The following AHNAK variants were observed in gnomAD, a reference collection of about 807,000 sequenced individuals.
The protein encoded by AHNAK is neuroblast differentiation-associated protein AHNAK.
A neutral mutation model predicts 37.8 loss-of-function variants in AHNAK; 23 were observed. The observed-to-expected ratio is 0.61, with a 90% CI of 0.44 to 0.86. The LOEUF is 0.86. Among genes scored for constraint, AHNAK ranks in the 40% least tolerant of loss-of-function variants. AHNAK has a pLI of 0.00. For missense variants in AHNAK, 7,411 were observed against 7,319.4 expected (o/e 1.01, Z -0.46); for synonymous variants, 2,481 against 2,636.3 (o/e 0.94, Z 1.80).
downstream of AHNAK, among the ~76,000 whole-genome samples, chr11:62,513,438 G>A (rs139670700): frequency 6.1e-3 from 934 of 152,288 alleles, 9 homozygotes; most frequent in African/African-American, 0.019. Context: ...AGGAGGCTGA[G>A]GCAGAAGAAT....
chr11:62,524,778 G>A lies in AHNAK; in HGVS notation c.9639C>T (p.Asn3213=). The A allele has an allele frequency of 6.2e-7, 1 of 1,614,120 alleles. No homozygotes were observed. Among genetic ancestry groups the A allele is most frequent in the South Asian group, 1.1e-5 (1 of 91,068 alleles). Residue 3213 remains asparagine, a synonymous_variant, in exon 5 of 5, where the codon AAC becomes AAT. Coordinates refer to ENST00000378024, the MANE Select transcript of AHNAK (RefSeq NM_001620.3). ...GCATTGATATTTTAGGAGCTTTGAT[G>A]TTCATCTCTGGCATCTTGAATTTAG... The part of the protein sequence containing the change: ...KGPKFKMPEM[N]IKAPKISMPD...
rs558137382 is a variant in AHNAK at position 62,536,271 on chromosome 11, C to T, written c.1-173G>A. On this transcript the variant is annotated intron_variant, in intron 2 of 4. Transcript: ENST00000378024. The stretch of plus-strand genomic sequence containing the variant: ...GTGAGGTGTTGGGGGTGGGGTAATT[C>T]GTCTCACGTCCTTCCACTGTGGAAG... 362 of 595,334 alleles carry T rather than the reference C, an allele frequency of 6.1e-4. 1 individual carries two copies. The highest frequency in any genetic ancestry group is 8.8e-4 in the Non-Finnish European group (317 of 360,328). The allele number at this position is 595,334 out of a possible 1,614,324, so 36.9% of individuals were successfully genotyped here. A position where few individuals can be genotyped will look rare whatever the true frequency, so the allele number is the denominator to read the frequency against.
Position 62,530,335 on chromosome 11 carries a change from C to G in AHNAK, c.4082G>C (p.Gly1361Ala). 4.3e-6 allele frequency: 7 copies of G among 1,613,634 alleles called. No individual in the cohort carries two copies. The highest frequency in any genetic ancestry group is 5.9e-6 in the Non-Finnish European group (7 of 1,179,934). Residue 1361 changes from glycine (G) to alanine (A), a missense_variant, in exon 5 of 5, where the codon GGG becomes GCG. Transcript: ENST00000378024. Reference sequence around the variant, plus strand: ...TGGAGCACTAATGTCAACTTTGGGCCCTTTAATGTCAACATCTGGCACTTT... The same window carrying G: ...TGGAGCACTAATGTCAACTTTGGGCGCTTTAATGTCAACATCTGGCACTTT... ...EMKVPDVDIK[G>A]PKVDISAPDV...
rs752676920 is a variant in AHNAK, at chr11:62,523,004, G to A, written c.11413C>T (p.Pro3805Ser). ...CTGAACTTGGGCATTTTCACCTTGG[G>A]CATCTTCAGGTGCCAGTCTGGGCCT... ...VQGPDWHLKM[P>S]KVKMPKFSMP... Residue 3805 changes from proline (P) to serine (S), a missense_variant, in exon 5 of 5, where the codon CCC (proline) becomes TCC (serine). Coordinates refer to ENST00000378024, the MANE Select transcript of AHNAK (RefSeq NM_001620.3). 2.5e-6 allele frequency: 4 copies of A among 1,613,750 alleles called. No homozygotes were observed. The highest frequency in any genetic ancestry group is 2.2e-5 in the South Asian group (2 of 91,024).
At chr11:62,447,091 A>G (rs1938435747) in intron 5 of AHNAK, among the ~76,000 whole-genome samples, 1 of 152,100 alleles carries the variant, frequency 6.6e-6, no homozygotes, top group African/African-American at 2.4e-5. Context: ...ATAGTCCACT[A>G]AGTGTCACAT....
At chr11:62,542,159 T>C (rs1302304895) in intron 1 of AHNAK, 1 of 152,308 alleles carries the variant, frequency 6.6e-6, no homozygotes, top group African/African-American at 2.4e-5. Flanking sequence ...TACACACCAT[T>C]AGTACACGGA....
Position 62,520,456 on chromosome 11 carries a change from T to C in AHNAK, c.13961A>G (p.Lys4654Arg). Residue 4654 changes from lysine to arginine, a missense_variant, in exon 5 of 5, where the codon AAA becomes AGA. Coordinates refer to ENST00000378024, the MANE Select transcript of AHNAK (RefSeq NM_001620.3). ...QGPDWHLKMP[K>R]VKMPKFSMPG... ...CATGCTGAACTTGGGCATTTTCACT[T>C]TGGGCATTTTTAGGTGCCAGTCTGG... is the stretch of plus-strand genomic sequence containing the variant. 1.9e-6 allele frequency: 3 copies of C among 1,614,122 alleles called. No homozygotes were observed. Among genetic ancestry groups the C allele is most frequent in the Non-Finnish European group, 2.5e-6 (3 of 1,180,018 alleles).
At chr11:62,491,065 C>G (rs7929818) in intron 5 of AHNAK, among the ~76,000 whole-genome samples, 22,081 of 152,062 alleles carry the variant, frequency 0.15, 3,944 homozygotes, top group African/African-American at 0.42. Flanking sequence ...TGGATTACAA[C>G]CATGAGCCAC....
At position 62,520,663 on chromosome 11, in the gene AHNAK, T is replaced by C. The variant is rs143484760; in HGVS notation, c.13754A>G (p.Asp4585Gly). ...GATCTTCGGTGCCTTGAGGTGTAAG[T>C]CAGGCATTTTAAATTTGGGGCCCTT... ...KLKGPKFKMP[D>G]LHLKAPKISM... Residue 4585 changes from aspartate to glycine, a missense_variant, in exon 5 of 5, where the codon GAC (aspartate) becomes GGC (glycine). By Grantham distance (94) the Asp-to-Gly change is moderately conservative (BLOSUM62 -1). Transcript: ENST00000378024. The C allele has an allele frequency of 1.7e-4, 275 of 1,613,974 alleles. No individual in the cohort carries two copies. The highest frequency in any genetic ancestry group is 2.8e-4 in the Admixed American group (17 of 60,000).
chr11:62,458,064 G>C (rs927153280), intron 5 of AHNAK, among the ~76,000 whole-genome samples: 1 of 150,532 alleles, frequency 6.6e-6, no homozygotes, highest in Non-Finnish European at 1.5e-5. Context: ...CAGGTGCCCG[G>C]CAACATGCCT....
rs370699059 is a variant in AHNAK, at chr11:62,525,881, C to T, written c.8536G>A (p.Gly2846Ser). The T allele has an allele frequency of 1.7e-5, 27 of 1,614,184 alleles. No individual in the cohort carries two copies. The African/African-American group carries it at 2.9e-4, about 18-fold the overall frequency. The change falls in exon 5 of 5, where the codon GGT becomes AGT. Residue 2846 changes from glycine (G) to serine (S), a missense_variant. Coordinates refer to ENST00000378024, the MANE Select transcript of AHNAK (RefSeq NM_001620.3). The part of the protein sequence containing the change: ...SMPDIDLNLT[G>S]PKIKGDVDVT... ...TCCACATCTCCTTTTATTTTTGGAC[C>T]TGTGAGATTCAGGTCAATATCTGGC...
chr11:62,480,750 A>G (rs1290678288), intron 5 of AHNAK, among the ~76,000 whole-genome samples: 2 of 150,904 alleles, frequency 1.3e-5, no homozygotes. Context: ...TCTGTCCCCA[A>G]ACAGGGCCTT....
intron 4 of AHNAK, among the ~76,000 whole-genome samples, chr11:62,501,093 G>A (rs767113164): frequency 2.0e-5 from 3 of 152,010 alleles, no homozygotes; most frequent in African/African-American, 7.3e-5. Flanking sequence ...TTAGTCAGGC[G>A]TGGTGGCACT....
chr11:62,435,045 C>G (rs1490117428), intron 5 of AHNAK, among the ~76,000 whole-genome samples: 5 of 151,922 alleles, frequency 3.3e-5, no homozygotes, highest in Non-Finnish European at 7.4e-5. Flanking sequence ...AAGCACCAAC[C>G]AAAATCACCT....
intron 4 of AHNAK, among the ~76,000 whole-genome samples, chr11:62,492,034 G>T (rs1939513170): frequency 6.6e-6 from 1 of 152,126 alleles, no homozygotes; most frequent in Non-Finnish European, 1.5e-5. Flanking sequence ...ATCTTTAGAA[G>T]ACAACTGGCC....
At chr11:62,511,855 T>A (rs892009755), downstream of AHNAK, among the ~76,000 whole-genome samples, 8 of 151,998 alleles carry the variant, frequency 5.3e-5, no homozygotes, top group Non-Finnish European at 1.2e-4. Flanking sequence ...CGGGCTAGTT[T>A]GTTTCTTTTC....
In AHNAK at chr11:62,531,153, A is replaced by G; in HGVS notation, c.3264T>C (p.Ser1088=). ...GPKMKGNVDI[S]APKIEGEMQV... is the part of the protein sequence containing the mutation. The stretch of plus-strand genomic sequence containing the variant: ...GCATTTCACCCTCTATCTTTGGTGC[A>G]GAGATATCTACATTTCCTTTCATTT... Residue 1088 remains serine (S), a synonymous_variant, in exon 5 of 5, where the codon TCT becomes TCC. Coordinates refer to ENST00000378024, the MANE Select transcript of AHNAK (RefSeq NM_001620.3). 1 of 1,614,130 alleles carries G rather than the reference A, an allele frequency of 6.2e-7. No homozygotes were observed. The highest frequency in any genetic ancestry group is 8.5e-7 in the Non-Finnish European group (1 of 1,180,016).
chr11:62,494,936 G>T (rs941559364), intron 4 of AHNAK, among the ~76,000 whole-genome samples: 1 of 150,432 alleles, frequency 6.6e-6, no homozygotes, highest in African/African-American at 2.5e-5. Context: ...GAAGGCGGAG[G>T]TTGCAGTGAG....
chr11:62,442,467 G>A (rs1214361745), intron 5 of AHNAK, among the ~76,000 whole-genome samples: 1 of 152,168 alleles, frequency 6.6e-6, no homozygotes, highest in African/African-American at 2.4e-5. Flanking sequence ...AGGATCACCT[G>A]AGGCCGGGAA....
Sources: allele counts gnomAD v4.1 joint callset (sites outside exome capture counted in the v4.1 genomes callset), GRCh38; gene constraint gnomAD v4.1.1; transcripts MANE v1.5; gene names NCBI Gene and HGNC (gene_info 2026-07-23, HGNC 2026-07-21).